Variants in ATP6V1H observed in about 807,000 individuals in gnomAD.
ATP6V1H encodes the protein V-type proton ATPase subunit H.
Under a neutral mutation model 71.7 loss-of-function variants are expected in ATP6V1H, and 39 were observed. That is an observed-to-expected ratio of 0.54 (90% CI 0.42 to 0.71). The LOEUF (loss-of-function observed/expected upper bound fraction) is 0.71. Ranked by LOEUF, ATP6V1H falls within the 30% of genes least tolerant of loss-of-function variation. The pLI is 0.00. For missense variants in ATP6V1H, 509 were observed against 594.9 expected (o/e 0.86, Z 1.50); for synonymous variants, 192 against 199.3 (o/e 0.96, Z 0.31).
At chr8:53,733,960 T>C (rs539383835) in intron 13 of ATP6V1H, among the ~76,000 whole-genome samples, 1 of 152,260 alleles carries the variant, frequency 6.6e-6, no homozygotes, top group African/African-American at 2.4e-5. Flanking sequence ...GTGGCCTACC[T>C]CTCTAAACAA....
intron 2 of ATP6V1H, among the ~76,000 whole-genome samples, chr8:53,835,811 C>T (rs1811140883): frequency 1.3e-5 from 2 of 152,132 alleles, no homozygotes; most frequent in Admixed American, 1.3e-4. Context: ...TCTTCCTTAG[C>T]TTCCAGATTC....
At chr8:53,764,778 C>T (rs937344851) in intron 11 of ATP6V1H, among the ~76,000 whole-genome samples, 15 of 152,172 alleles carry the variant, frequency 9.9e-5, no homozygotes, top group Admixed American at 2.0e-4. Flanking sequence ...TACACTATCT[C>T]TGAACAACTG....
intron 11 of ATP6V1H, among the ~76,000 whole-genome samples, chr8:53,768,932 A>T (rs1470621877): frequency 6.6e-6 from 1 of 152,184 alleles, no homozygotes; most frequent in East Asian, 1.9e-4. Context: ...TACAAATTAT[A>T]CCTCACTAAA....
chr8:53,841,604 G>C lies in ATP6V1H; in HGVS notation c.87C>G (p.Asn29Lys). The change falls in exon 2 of 14, where the codon AAC (asparagine) becomes AAG (lysine). Residue 29 changes from asparagine (N) to lysine (K), a missense_variant. Coordinates refer to ENST00000359530, the MANE Select transcript of ATP6V1H (RefSeq NM_015941.4). ...GAAGATAGGATTGCCAGTTGACTTT[G>C]TTTGCACGAACTTCTGCAGCCTTGG... ...IAAKAAEVRA[N>K]KVNWQSYLQG... 1 of 1,614,134 alleles carries C rather than the reference G, an allele frequency of 6.2e-7. No individual in the cohort carries two copies. Among genetic ancestry groups the C allele is most frequent in the Non-Finnish European group, 8.5e-7 (1 of 1,179,996 alleles).
chr8:53,783,524 T>C lies in ATP6V1H; in HGVS notation c.871-11357A>G, dbSNP rs530846851. 2.5e-3 allele frequency among the ~76,000 whole-genome samples: 385 copies of C among 152,352 alleles called. 4 individuals carry two copies. Among genetic ancestry groups the C allele is most frequent in the Non-Finnish European group, 3.5e-3 (235 of 68,032 alleles). On this transcript the variant is annotated intron_variant, in intron 9 of 13. Transcript: ENST00000359530. ...GATTCATTGATTTTTTGAAGGGCTT[T>C]TTGTGTCTCTATCTCCTTCAGTTCT...
intron 10 of ATP6V1H, among the ~76,000 whole-genome samples, chr8:53,770,888 T>A (rs1444929161): frequency 3.3e-5 from 5 of 152,228 alleles, no homozygotes; most frequent in Admixed American, 2.0e-4. Flanking sequence ...CTGGCCTGCC[T>A]ATTATAATCA....
chr8:53,777,578 A>C (rs1043006959), intron 9 of ATP6V1H, among the ~76,000 whole-genome samples: 7 of 152,232 alleles, frequency 4.6e-5, no homozygotes, highest in African/African-American at 1.7e-4. Context: ...ATAATCAGTC[A>C]CCAGCAGACA....
At chr8:53,726,197 T>C (rs1184106626) in intron 13 of ATP6V1H, among the ~76,000 whole-genome samples, 1 of 152,198 alleles carries the variant, frequency 6.6e-6, no homozygotes, top group Non-Finnish European at 1.5e-5. Flanking sequence ...TAACATCTAC[T>C]TTTATATTTA....
chr8:53,813,882 C>T (rs1040953028), intron 6 of ATP6V1H, among the ~76,000 whole-genome samples: 10 of 152,170 alleles, frequency 6.6e-5, no homozygotes, highest in East Asian at 1.9e-4. Context: ...ATTGTGAGAA[C>T]GAGCCACCGT....
At chr8:53,807,584 G>A (rs1810125142) in intron 7 of ATP6V1H, among the ~76,000 whole-genome samples, 1 of 152,174 alleles carries the variant, frequency 6.6e-6, no homozygotes, top group Admixed American at 6.5e-5. Flanking sequence ...TATATGTAAT[G>A]TCCAAAAGAG....
rs187309454 is a variant in ATP6V1H, at chr8:53,780,360, C to T, written c.871-8193G>A. 2.6e-3 allele frequency among the ~76,000 whole-genome samples: 398 copies of T among 152,154 alleles called. 4 individuals are homozygous for T. Among genetic ancestry groups the T allele is most frequent in the South Asian group, 0.013 (63 of 4,814 alleles). Reference sequence around the variant, plus strand: ...AACTTTGTCAAATCAATCATTAAGCCTTCTCTATTCTTCTTTAAATACATG... The same window carrying T: ...AACTTTGTCAAATCAATCATTAAGCTTTCTCTATTCTTCTTTAAATACATG... On this transcript the variant is annotated intron_variant, in intron 9 of 13. Transcript: ENST00000359530.
In ATP6V1H at chr8:53,807,069, C is replaced by G. The variant is rs1331264997; in HGVS notation, c.579+4095G>C. Reference sequence around the variant, plus strand: ...AGACTACAATTTAATAACAGGCCTGCAGTATGTGAATAACTGATGTGGCCC... The same window carrying G: ...AGACTACAATTTAATAACAGGCCTGGAGTATGTGAATAACTGATGTGGCCC... On this transcript the variant is annotated intron_variant, in intron 7 of 13. Coordinates refer to ENST00000359530, the MANE Select transcript of ATP6V1H (RefSeq NM_015941.4). Among the ~76,000 whole-genome samples the G allele has an allele frequency of 4.6e-5, 7 of 152,170 alleles. No homozygotes were observed. In the South Asian group the frequency reaches 1.4e-3, roughly 31 times the overall value.
At chr8:53,811,060 G>A (rs376225663) in intron 7 of ATP6V1H, 104 bp downstream of exon 7, 2 of 854,870 alleles carry the variant, frequency 2.3e-6, no homozygotes. Context: ...GGTGACCATG[G>A]ATTTATAGTT....
rs574187837 is a variant in ATP6V1H at position 53,839,554 on chromosome 8, C to A, written c.113+2024G>T. On this transcript the variant is annotated intron_variant, in intron 2 of 13. Transcript: ENST00000359530. Reference sequence around the variant, plus strand: ...TAAGACTCTCTCAATCTAACCAATTCTATCTATTCCAATACCTTGGTTACT... The same window carrying A: ...TAAGACTCTCTCAATCTAACCAATTATATCTATTCCAATACCTTGGTTACT... 1,321 of 938,210 alleles carry A rather than the reference C, an allele frequency of 1.4e-3. 2 individuals carry two copies. Among genetic ancestry groups the A allele is most frequent in the Non-Finnish European group, 1.6e-3 (1,265 of 786,950 alleles). 58.1% of individuals were successfully genotyped at this position (938,210 alleles called of 1,614,324 possible).
At chr8:53,801,960 C>T in intron 7 of ATP6V1H, 64 bp from the exon 8 acceptor site, 1 of 1,415,160 alleles carries the variant, frequency 7.1e-7, no homozygotes, top group Non-Finnish European at 9.8e-7. Flanking sequence ...ATCAGACACA[C>T]ATTTCTAAAT....
At chr8:53,746,543 G>A (rs1807609857) in intron 12 of ATP6V1H, among the ~76,000 whole-genome samples, 1 of 152,132 alleles carries the variant, frequency 6.6e-6, no homozygotes, top group African/African-American at 2.4e-5. Flanking sequence ...GGGATTACAG[G>A]CATGAGCCAC....
rs372846009 is a variant in ATP6V1H at position 53,773,842 on chromosome 8, C to T, written c.871-1675G>A. Among the ~76,000 whole-genome samples, 84 of 152,040 alleles carry T rather than the reference C, an allele frequency of 5.5e-4. 2 individuals are homozygous for T. The South Asian group carries it at 0.016, about 29-fold the overall frequency. Reference sequence around the variant, plus strand: ...AACTTATAAATTATTTAAAAAGAAACAGAAATCCTAGAAGTAAAACTACAA... The same window carrying T: ...AACTTATAAATTATTTAAAAAGAAATAGAAATCCTAGAAGTAAAACTACAA... On this transcript the variant is annotated intron_variant, in intron 9 of 13. Transcript: ENST00000359530.
intron 12 of ATP6V1H, among the ~76,000 whole-genome samples, chr8:53,750,519 C>T (rs1237980332): frequency 6.6e-6 from 1 of 152,176 alleles, no homozygotes; most frequent in Admixed American, 6.5e-5. Flanking sequence ...CTTAAAGTCT[C>T]AGTTTCCAAG....
At chr8:53,829,398 C>CA (rs765528379) in intron 4 of ATP6V1H, 46 bp downstream of exon 4, 3 of 1,297,670 alleles carry the variant, frequency 2.3e-6, no homozygotes, top group Non-Finnish European at 3.3e-6. Context: ...GTGAGGTATG[C>CA]AAAAAAATGA....
Sources: gnomAD v4.1 joint callset for allele counts (sites outside exome capture counted in the v4.1 genomes callset) on GRCh38, gnomAD v4.1.1 for gene constraint, MANE v1.5 for transcripts, NCBI Gene and HGNC (gene_info 2026-07-23, HGNC 2026-07-21) for gene names.